The following MYLK variants were observed in gnomAD, a reference collection of about 807,000 sequenced individuals.
The protein encoded by MYLK is myosin light chain kinase, smooth muscle.
Under a neutral mutation model 203.4 loss-of-function variants are expected in MYLK, and 106 were observed. The ratio of observed to expected loss-of-function variants is 0.52; its 90% confidence interval spans 0.45 to 0.61. The LOEUF (loss-of-function observed/expected upper bound fraction) is 0.61, where lower values mean the gene tolerates loss of function less well. MYLK is among the 20% of genes least tolerant of loss of function. The probability of loss-of-function intolerance (pLI) is 0.00; values close to 1 mark genes in which losing one functional copy is unlikely to be tolerated. For synonymous variants in MYLK, 867 were observed against 959.5 expected (o/e 0.90, Z 1.78); for missense variants, 2,072 against 2,442.3 (o/e 0.85, Z 3.20).
chr3:123,734,988 G>A (rs577347523), intron 9 of MYLK: 6 of 316,558 alleles, frequency 1.9e-5, no homozygotes, highest in East Asian at 7.5e-5. Context: ...CCTCCTCTAC[G>A]CCCACCCCTG....
Position 123,875,211 on chromosome 3 carries a change from G to A in MYLK, c.-127+1348C>T, listed in dbSNP as rs893521799. On this transcript the variant is annotated intron_variant, in intron 2 of 33. Coordinates refer to ENST00000360304, the MANE Select transcript of MYLK (RefSeq NM_053025.4). ...TCATTATCACCTCAAACTGGAAACA[G>A]CCCAAATGTCCTTCAACTGGGGAAT... 1.9e-4 allele frequency among the ~76,000 whole-genome samples: 29 copies of A among 152,198 alleles called. 1 individual carries two copies. The highest frequency in any genetic ancestry group is 5.2e-4 in the Admixed American group (8 of 15,272).
Position 123,788,365 on chromosome 3 carries a change from CT to C in MYLK, c.165+5311del, listed in dbSNP as rs947170713. On this transcript the variant is annotated intron_variant, in intron 4 of 33. Transcript: ENST00000360304. ...AACCAGACATTTCTTTCAAATTTCT[CT>C]TTTTTTTTTTGATTTGTTATTTCTT... 4.9e-3 allele frequency among the ~76,000 whole-genome samples: 702 copies of C among 143,272 alleles called. 8 individuals are homozygous for C. Among genetic ancestry groups the C allele is most frequent in the African/African-American group, 0.016 (611 of 39,190 alleles). 94.0% of individuals were successfully genotyped at this position (143,272 alleles called of 152,430 possible).
intron 13 of MYLK, among the ~76,000 whole-genome samples, chr3:123,713,720 T>A (rs2108680675): frequency 6.6e-6 from 1 of 152,112 alleles, no homozygotes; most frequent in South Asian, 2.1e-4. Flanking sequence ...TCTGTGGACT[T>A]AAGTAAAATA....
intron 4 of MYLK, among the ~76,000 whole-genome samples, chr3:123,779,263 G>A (rs1007316594): frequency 3.9e-5 from 6 of 152,166 alleles, no homozygotes; most frequent in Non-Finnish European, 5.9e-5. Flanking sequence ...AGTCTCCCTG[G>A]GCCCAACGTC....
At chr3:123,623,417 T>C (rs2057977344) in intron 31 of MYLK, 1 of 152,186 alleles carries the variant, frequency 6.6e-6, no homozygotes, top group African/African-American at 2.4e-5. Context: ...TTCCAACATA[T>C]CTTTGTAAAA....
In MYLK at chr3:123,613,140, C is replaced by T. The variant is rs933380524; in HGVS notation, c.*965G>A. 6.6e-6 allele frequency: 1 copy of T among 152,198 alleles called. No homozygotes were observed. Among genetic ancestry groups the T allele is most frequent in the Non-Finnish European group, 1.5e-5 (1 of 68,022 alleles). 9.4% of individuals were successfully genotyped at this position (152,198 alleles called of 1,614,324 possible). The stretch of plus-strand genomic sequence containing the variant: ...AACTCTGGCTATCTTGGAGGAGATT[C>T]CAAAGTACATGGAGTTCTCCAGCTC... On this transcript the variant is annotated 3_prime_UTR_variant, in exon 34 of 34. Coordinates refer to ENST00000360304, the MANE Select transcript of MYLK (RefSeq NM_053025.4).
chr3:123,740,079 G>A, intron 5 of MYLK, 78 bp from the exon 6 acceptor site: 1 of 1,416,966 alleles, frequency 7.1e-7, no homozygotes, highest in Non-Finnish European at 1.0e-6. Context: ...CAACAGCAGG[G>A]GTGGGTGGGA....
chr3:123,880,913 G>A (rs970736750), intron 1 of MYLK, among the ~76,000 whole-genome samples: 14 of 152,330 alleles, frequency 9.2e-5, no homozygotes, highest in African/African-American at 3.1e-4. Context: ...ACAAGGAGGA[G>A]GGATGCACCT....
At chr3:123,709,400 A>C (rs2061603420) in intron 14 of MYLK, 1 of 313,428 alleles carries the variant, frequency 3.2e-6, no homozygotes, top group Non-Finnish European at 6.2e-6. Context: ...TCGGCCTCAC[A>C]AAGTGCTGGG....
chr3:123,667,125 G>A lies in MYLK; in HGVS notation c.3703+12C>T, dbSNP rs775815869. 86 of 1,613,670 alleles carry A rather than the reference G, an allele frequency of 5.3e-5. No individual in the cohort carries two copies. The East Asian group carries it at 1.4e-3, about 26-fold the overall frequency. On this transcript the variant is annotated intron_variant, in intron 21 of 33. Coordinates refer to ENST00000360304, the MANE Select transcript of MYLK (RefSeq NM_053025.4). The stretch of plus-strand genomic sequence containing the variant: ...GACTTCTTTGACCCCAGATAGTGCC[G>A]TGGCCAATTACCTGCCTTCGGAGGT...
intron 19 of MYLK, among the ~76,000 whole-genome samples, chr3:123,684,736 A>C (rs1320445392): frequency 6.6e-6 from 1 of 152,168 alleles, no homozygotes; most frequent in East Asian, 1.9e-4. Flanking sequence ...GGGTTTCGCC[A>C]TGTTGGCCAG....
intron 31 of MYLK, chr3:123,622,619 T>C (rs534251338): frequency 2.0e-5 from 3 of 152,322 alleles, no homozygotes; most frequent in East Asian, 3.9e-4. Context: ...TCAGAGGAAG[T>C]AGTAAATATA....
intron 20 of MYLK, among the ~76,000 whole-genome samples, chr3:123,675,850 A>G (rs1205772467): frequency 6.6e-6 from 1 of 152,066 alleles, no homozygotes; most frequent in Non-Finnish European, 1.5e-5. Context: ...GGGTGACCTG[A>G]CCCACTCCCC....
At chr3:123,780,747 C>T (rs780736420) in intron 4 of MYLK, among the ~76,000 whole-genome samples, 8 of 152,308 alleles carry the variant, frequency 5.3e-5, no homozygotes, top group Admixed American at 1.3e-4. Flanking sequence ...TATTTAAATC[C>T]ATCCCTGCTC....
chr3:123,749,725 C>T (rs976529879), intron 5 of MYLK, among the ~76,000 whole-genome samples: 16 of 152,218 alleles, frequency 1.1e-4, no homozygotes, highest in African/African-American at 3.9e-4. Context: ...TTGTACCACA[C>T]TGTGGGGCAG....
chr3:123,654,104 C>A (rs1454227808), intron 24 of MYLK, among the ~76,000 whole-genome samples: 8 of 150,858 alleles, frequency 5.3e-5, no homozygotes. Context: ...GGTTGGGATC[C>A]CTGCGAAAGC....
chr3:123,731,047 A>C (rs186355684), intron 11 of MYLK, among the ~76,000 whole-genome samples: 1 of 152,320 alleles, frequency 6.6e-6, no homozygotes, highest in Admixed American at 6.5e-5. Flanking sequence ...AGAAGAAGCC[A>C]CAGGAGAATC....
At chr3:123,685,541 C>A (rs1276544822) in intron 19 of MYLK, among the ~76,000 whole-genome samples, 1 of 146,396 alleles carries the variant, frequency 6.8e-6, no homozygotes, top group African/African-American at 2.5e-5. Flanking sequence ...CTGCAATGAT[C>A]GTGCCGCTGC....
At chr3:123,810,576 T>C (rs1340093495) in intron 3 of MYLK, among the ~76,000 whole-genome samples, 3 of 152,206 alleles carry the variant, frequency 2.0e-5, no homozygotes, top group African/African-American at 7.2e-5. Context: ...GCTCTGCCAA[T>C]GGGGATGCCA....
Sources: allele counts gnomAD v4.1 joint callset (sites outside exome capture counted in the v4.1 genomes callset), GRCh38; gene constraint gnomAD v4.1.1; transcripts MANE v1.5; gene names NCBI Gene and HGNC (gene_info 2026-07-23, HGNC 2026-07-21).